Variants in PADI6 observed in about 807,000 individuals in gnomAD.
PADI6 encodes peptidyl arginine deiminase 6.
Under a neutral mutation model 78.2 loss-of-function variants are expected in PADI6, and 66 were observed. The ratio of observed to expected loss-of-function variants is 0.84; its 90% CI spans 0.69 to 1.04. The LOEUF (loss-of-function observed/expected upper bound fraction) is 1.04. Among genes scored for constraint, PADI6 ranks in the 50% least tolerant of loss-of-function variants. The pLI is 0.00. For missense variants in PADI6, 854 were observed against 866.1 expected (o/e 0.99, Z 0.18); for synonymous variants, 397 against 346.9 (o/e 1.14, Z -1.60).
intron 12 of PADI6, 56 bp from the exon 13 acceptor site, chr1:17,395,484 T>G: frequency 6.5e-7 from 1 of 1,535,174 alleles, no homozygotes; most frequent in African/African-American, 1.4e-5. Context: ...ATTACAGATA[T>G]GAGCCACCAT....
chr1:17,397,325 T>G (rs2075256858), intron 14 of PADI6, among the ~76,000 whole-genome samples, 184 bp downstream of exon 14: 1 of 152,054 alleles, frequency 6.6e-6, no homozygotes, highest in Admixed American at 6.6e-5. Context: ...CATATGCCAA[T>G]GTAGGGAGAC....
rs922323970 is a variant in PADI6, at chr1:17,401,314, T to A, written c.1961T>A (p.Leu654Gln). The change falls in exon 16 of 16, where the codon CTG (leucine) becomes CAG (glutamine). Residue 654 changes from leucine (L) to glutamine (Q), a missense_variant. Leu to Gln is a moderately radical substitution (Grantham distance 113). Coordinates refer to ENST00000619609, the MANE Select transcript of PADI6 (RefSeq NM_207421.4). ...EEKICCLLEPLGFKCTFINDF... is the reference protein window; with the variant it reads ...EEKICCLLEPQGFKCTFINDF... ...AAGATTTGCTGCTTGCTGGAGCCCCTGGGCTTCAAGTGCACCTTCATCAAT... is the reference window on the plus strand; with the variant it reads ...AAGATTTGCTGCTTGCTGGAGCCCCAGGGCTTCAAGTGCACCTTCATCAAT... 3.7e-6 allele frequency: 6 copies of A among 1,613,958 alleles called. No individual in the cohort carries two copies. Among genetic ancestry groups the A allele is most frequent in the Non-Finnish European group, 5.1e-6 (6 of 1,179,918 alleles).
At chr1:17,380,091 A>T in intron 4 of PADI6, 104 bp downstream of exon 4, 1 of 1,145,718 alleles carries the variant, frequency 8.7e-7, no homozygotes, top group South Asian at 1.3e-5. Context: ...AATTGCTGTG[A>T]CATTGCTGAA....
rs200488264 is a variant in PADI6 at position 17,373,219 on chromosome 1, G to A, written c.280G>A (p.Val94Met). The change falls in exon 2 of 16, where the codon GTG (valine) becomes ATG (methionine). Residue 94 changes from valine (V) to methionine (M), a missense_variant. Val to Met is a conservative substitution (Grantham distance 21). Transcript: ENST00000619609. ...TVKMTSPSPSVDADKVSVTYY... is the reference protein window; with the variant it reads ...TVKMTSPSPSMDADKVSVTYY... ...GAAGATGACATCGCCCAGCCCTTCC[G>A]TGGATGCGGATAAGGTAAGCCTCAG... is the stretch of plus-strand genomic sequence containing the variant. 80 of 1,613,898 alleles carry A rather than the reference G, an allele frequency of 5.0e-5. No individual in the cohort carries two copies. Among genetic ancestry groups the A allele is most frequent in the Admixed American group, 8.3e-5 (5 of 60,004 alleles).
rs781356311 is a variant in PADI6, at chr1:17,373,104, G to GGTCT, written c.166_169dup (p.Leu57CysfsTer12). ...GCTTCACCATCCATGGCTCTGGGAGGGTCTTGATCGATGTGGCCAACACGG... is the reference window on the plus strand; with the variant it reads ...GCTTCACCATCCATGGCTCTGGGAGGGTCTGTCTTGATCGATGTGGCCAACACGG... On this transcript the variant is annotated frameshift_variant, in exon 2 of 16. Coordinates refer to ENST00000619609, the MANE Select transcript of PADI6 (RefSeq NM_207421.4). LOFTEE classifies it high-confidence loss of function. 1 of 1,613,994 alleles carries GGTCT rather than the reference G, an allele frequency of 6.2e-7. No homozygotes were observed. The highest frequency in any genetic ancestry group is 8.5e-7 in the Non-Finnish European group (1 of 1,179,878).
chr1:17,388,204 G>A (rs1432194894), intron 6 of PADI6, among the ~76,000 whole-genome samples, 177 bp from the exon 7 acceptor site: 1 of 152,206 alleles, frequency 6.6e-6, no homozygotes, highest in Non-Finnish European at 1.5e-5. Context: ...ATGAACATCT[G>A]GTTGTCTACC....
At chr1:17,376,515 ATTTTTTTTATTTTTAGTGGGCTAT>A (rs1440583981) in intron 3 of PADI6, among the ~76,000 whole-genome samples, 141 of 149,078 alleles carry the variant, frequency 9.5e-4, no homozygotes, top group South Asian at 5.5e-3. Flanking sequence ...TAGTGGGCTA[ATTTTTTTTATTTTTAGTGGGCTAT>A]TTTTTTTGTA....
At chr1:17,396,327 G>T (rs996996059) in intron 13 of PADI6, among the ~76,000 whole-genome samples, 10 of 152,232 alleles carry the variant, frequency 6.6e-5, no homozygotes, top group East Asian at 1.9e-4. Context: ...TGGAGGTTGC[G>T]GTGAGCTAAG....
At chr1:17,395,990 C>G (rs2075243016) in intron 13 of PADI6, among the ~76,000 whole-genome samples, 1 of 152,116 alleles carries the variant, frequency 6.6e-6, no homozygotes, top group Non-Finnish European at 1.5e-5. Context: ...GATTAAGTAT[C>G]TAGGGACTGG....
intron 15 of PADI6, among the ~76,000 whole-genome samples, chr1:17,399,882 A>AT (rs1269222582): frequency 2.0e-5 from 3 of 151,812 alleles, no homozygotes; most frequent in Non-Finnish European, 4.4e-5. Context: ...TAAGAATACA[A>AT]AAAACTAGCT....
chr1:17,377,093 A>G (rs545914383), intron 3 of PADI6, among the ~76,000 whole-genome samples: 1 of 151,844 alleles, frequency 6.6e-6, no homozygotes, highest in East Asian at 1.9e-4. Context: ...TCCCACCTCA[A>G]TCTCCAGAGT....
intron 6 of PADI6, among the ~76,000 whole-genome samples, chr1:17,383,535 T>C (rs981845125): frequency 3.3e-5 from 5 of 152,222 alleles, no homozygotes; most frequent in Non-Finnish European, 7.4e-5. Context: ...CATAGCGAAC[T>C]ACCGGTTTCT....
At chr1:17,380,013 G>T in intron 4 of PADI6, 26 bp downstream of exon 4, 13 of 1,612,062 alleles carry the variant, frequency 8.1e-6, no homozygotes, top group Non-Finnish European at 1.1e-5. Flanking sequence ...AAAGGGGGCA[G>T]GGAAGGGGCC....
chr1:17,395,037 G>A lies in PADI6; in HGVS notation c.1424G>A (p.Trp475Ter). Reference sequence around the variant, plus strand: ...GCGCCGGTGGAGCTCTACTCAGATTGGCTAATGACTGGCCACGTGGATGAG... The same window carrying A: ...GCGCCGGTGGAGCTCTACTCAGATTAGCTAATGACTGGCCACGTGGATGAG... ...VQAPVELYSD[W>*]LMTGHVDEFM... Residue 475 changes from tryptophan (W) to a stop codon, truncating the protein, a stop_gained, in exon 12 of 16, where the codon TGG becomes TAG. Transcript: ENST00000619609. LOFTEE classifies it high-confidence loss of function. The A allele has an allele frequency of 6.2e-7, 1 of 1,613,874 alleles. No homozygotes were observed. The highest frequency in any genetic ancestry group is 8.5e-7 in the Non-Finnish European group (1 of 1,179,920).
At chr1:17,397,737 A>G (rs2075260439) in intron 14 of PADI6, among the ~76,000 whole-genome samples, 1 of 152,128 alleles carries the variant, frequency 6.6e-6, no homozygotes, top group Admixed American at 6.6e-5. Context: ...GAGGGTAGTG[A>G]GGCACACAGT....
At chr1:17,390,602 C>A (rs1217154697) in intron 8 of PADI6, among the ~76,000 whole-genome samples, 65 of 135,040 alleles carry the variant, frequency 4.8e-4, no homozygotes, top group South Asian at 9.9e-4. Flanking sequence ...GATTCCATCT[C>A]AAAAAAAAAA....
rs951851318 is a variant in PADI6 at position 17,401,575 on chromosome 1, C to T, written c.*137C>T. 4.3e-5 allele frequency: 35 copies of T among 807,824 alleles called. No homozygotes were observed. Among genetic ancestry groups the T allele is most frequent in the African/African-American group, 1.7e-4 (10 of 57,612 alleles). The allele number at this position is 807,824 out of a possible 1,614,324, so 50.0% of individuals were successfully genotyped here. The stretch of plus-strand genomic sequence containing the variant: ...CCCTTTCTTCCCTGTCTGCCCCGAC[C>T]GACCCTCGGACCCAGTAGGATGGCA... On this transcript the variant is annotated 3_prime_UTR_variant, in exon 16 of 16. Transcript: ENST00000619609.
At chr1:17,390,097 C>T (rs1180387210) in intron 8 of PADI6, among the ~76,000 whole-genome samples, 5 of 151,476 alleles carry the variant, frequency 3.3e-5, no homozygotes, top group Admixed American at 1.3e-4. Flanking sequence ...GTCGGAAGTT[C>T]GAGACCAGCC....
chr1:17,376,825 T>C (rs2075022998), intron 3 of PADI6, among the ~76,000 whole-genome samples: 1 of 152,238 alleles, frequency 6.6e-6, no homozygotes. Flanking sequence ...CTCTAACATC[T>C]ACAACACTAA....
Sources: gnomAD v4.1 joint callset for allele counts (sites outside exome capture counted in the v4.1 genomes callset) on GRCh38, gnomAD v4.1.1 for gene constraint, MANE v1.5 for transcripts, NCBI Gene and HGNC (gene_info 2026-07-23, HGNC 2026-07-21) for gene names.